The following PAK1 variants were observed in gnomAD, a reference collection of about 807,000 sequenced individuals.
PAK1 encodes the protein serine/threonine-protein kinase PAK 1.
PAK1 carries 29 observed loss-of-function variants against 67.4 expected under a neutral mutation model. The ratio of observed to expected loss-of-function variants is 0.43; its 90% CI spans 0.32 to 0.59. PAK1 has a LOEUF of 0.59. Ranked by LOEUF, PAK1 falls within the 20% of genes least tolerant of loss-of-function variation. The probability of loss-of-function intolerance (pLI) is 0.07; values close to 1 mark genes in which losing one functional copy is unlikely to be tolerated. For synonymous variants in PAK1, 223 were observed against 237.4 expected (o/e 0.94, Z 0.56); for missense variants, 337 against 670.7 (o/e 0.50, Z 5.50).
intron 2 of PAK1, among the ~76,000 whole-genome samples, chr11:77,387,021 G>A (rs1421766016): frequency 6.6e-6 from 1 of 150,552 alleles, no homozygotes; most frequent in South Asian, 2.1e-4. Flanking sequence ...TGATCCACCC[G>A]CCTTGGCCTC....
intron 1 of PAK1, among the ~76,000 whole-genome samples, chr11:77,409,012 C>T (rs1954084203): frequency 6.6e-6 from 1 of 152,126 alleles, no homozygotes; most frequent in Non-Finnish European, 1.5e-5. Flanking sequence ...TGCCTGTAAT[C>T]CCAACACTTT....
intron 1 of PAK1, among the ~76,000 whole-genome samples, chr11:77,467,982 C>T (rs996628683): frequency 1.2e-4 from 18 of 152,066 alleles, no homozygotes; most frequent in African/African-American, 4.3e-4. Context: ...GAAAGCTGGA[C>T]CTTAAAGATA....
intron 1 of PAK1, among the ~76,000 whole-genome samples, chr11:77,460,054 T>C (rs1957263382): frequency 6.6e-6 from 1 of 151,568 alleles, no homozygotes; most frequent in African/African-American, 2.4e-5. Context: ...AGTATTTGTT[T>C]ACTGAATGAG....
chr11:77,450,954 C>T (rs993192503), intron 1 of PAK1, among the ~76,000 whole-genome samples: 2 of 151,700 alleles, frequency 1.3e-5, no homozygotes, highest in Non-Finnish European at 2.9e-5. Context: ...ATCTGACTAA[C>T]AGCAAAGCTC....
chr11:77,423,879 C>T (rs1377740401), intron 1 of PAK1, among the ~76,000 whole-genome samples: 2 of 152,174 alleles, frequency 1.3e-5, no homozygotes, highest in Non-Finnish European at 2.9e-5. Flanking sequence ...AGGCTGTAGT[C>T]TGATGACCTC....
the PAK1 span, among the ~76,000 whole-genome samples, chr11:77,500,038 G>A: frequency 2.0e-5 from 3 of 152,162 alleles, no homozygotes; most frequent in Non-Finnish European, 4.4e-5. Flanking sequence ...GACCATAAGT[G>A]AGTGGAAGAA....
the PAK1 span, among the ~76,000 whole-genome samples, chr11:77,522,466 T>A: frequency 1.3e-5 from 2 of 152,172 alleles, no homozygotes; most frequent in African/African-American, 4.8e-5. Flanking sequence ...TCCAATTGCA[T>A]CCTGTTGTGA....
intron 12 of PAK1, among the ~76,000 whole-genome samples, chr11:77,336,949 C>T (rs1486691240): frequency 1.3e-5 from 2 of 151,750 alleles, no homozygotes; most frequent in African/African-American, 2.4e-5. Context: ...ATGTACTGGA[C>T]ATTCAATAAA....
chr11:77,391,469 G>A (rs1460981931), intron 2 of PAK1, among the ~76,000 whole-genome samples: 1 of 152,138 alleles, frequency 6.6e-6, no homozygotes, highest in Non-Finnish European at 1.5e-5. Context: ...TGGTGACCCA[G>A]CTCCATCTAA....
chr11:77,508,145 G>T, the PAK1 span, among the ~76,000 whole-genome samples: 3 of 152,176 alleles, frequency 2.0e-5, no homozygotes, highest in Admixed American at 1.3e-4. Flanking sequence ...TGAAAGCTAT[G>T]AGATTCATTT....
Position 77,346,262 on chromosome 11 carries a change from G to A in PAK1, c.886-2331C>T, listed in dbSNP as rs139231687. Reference sequence around the variant, plus strand: ...GCTGGGATTACAGGCATGAGCAACCGCGCCTGGCCAGGAGTCCTTTTCAAT... The same window carrying A: ...GCTGGGATTACAGGCATGAGCAACCACGCCTGGCCAGGAGTCCTTTTCAAT... On this transcript the variant is annotated intron_variant, in intron 9 of 14. Transcript: ENST00000356341. Among the ~76,000 whole-genome samples, 1,209 of 152,288 alleles carry A rather than the reference G, an allele frequency of 7.9e-3. 20 individuals are homozygous for A. Among genetic ancestry groups the A allele is most frequent in the African/African-American group, 0.028 (1,161 of 41,562 alleles).
intron 1 of PAK1, among the ~76,000 whole-genome samples, chr11:77,442,590 C>A (rs1956402510): frequency 6.6e-6 from 1 of 152,114 alleles, no homozygotes; most frequent in African/African-American, 2.4e-5. Context: ...CAGTCCTGGG[C>A]AACAGTTTGG....
At chr11:77,456,360 T>C (rs1292686452) in intron 1 of PAK1, among the ~76,000 whole-genome samples, 1 of 152,104 alleles carries the variant, frequency 6.6e-6, no homozygotes, top group East Asian at 1.9e-4. Context: ...AAAAAAAAGA[T>C]TCAAGTATCT....
intron 6 of PAK1, 115 bp downstream of exon 6, chr11:77,358,783 C>A (rs990011479): frequency 3.9e-6 from 4 of 1,028,618 alleles, no homozygotes; most frequent in African/African-American, 1.6e-5. Context: ...TTCACCAGCT[C>A]CAAAATCTAA....
Position 77,379,140 on chromosome 11 carries a change from CACT to C in PAK1, c.439+98_439+100del, listed in dbSNP as rs551818140. The C allele has an allele frequency of 1.5e-4, 148 of 1,006,368 alleles. 1 individual carries two copies. The African/African-American group carries it at 2.2e-3, about 15-fold the overall frequency. 62.3% of individuals were successfully genotyped at this position (1,006,368 alleles called of 1,614,324 possible). A position where few individuals can be genotyped will look rare whatever the true frequency, so the allele number is the denominator to read the frequency against. On this transcript the variant is annotated intron_variant, in intron 4 of 14. Coordinates refer to ENST00000356341, the MANE Select transcript of PAK1 (RefSeq NM_002576.5). The stretch of plus-strand genomic sequence containing the variant: ...GTTAAAGTGCCACTTCCACTCTTTC[CACT>C]ACTTTCTTCTCTCATCCCAGACTAA...
At position 77,325,279 on chromosome 11, in the gene PAK1, A is replaced by G. The variant is rs373282294; in HGVS notation, c.1552-1919T>C. 4.3e-6 allele frequency: 7 copies of G among 1,610,872 alleles called. No homozygotes were observed. In the African/African-American group the frequency reaches 8.0e-5, roughly 18 times the overall value. On this transcript the variant is annotated intron_variant, in intron 14 of 14. Transcript: ENST00000356341. Reference sequence around the variant, plus strand: ...CCTATTAAGAGCAGTGGCCAAGAGCATACACACTTGAGAGCCAAACAGGCT... The same window carrying G: ...CCTATTAAGAGCAGTGGCCAAGAGCGTACACACTTGAGAGCCAAACAGGCT...
chr11:77,515,647 G>T, the PAK1 span, among the ~76,000 whole-genome samples: 1 of 152,140 alleles, frequency 6.6e-6, no homozygotes. Context: ...TGCAGGTCTG[G>T]CCTGAAGGCA....
the PAK1 span, among the ~76,000 whole-genome samples, chr11:77,506,188 A>G: frequency 6.6e-6 from 1 of 152,234 alleles, no homozygotes; most frequent in Non-Finnish European, 1.5e-5. Context: ...TAAACATTAC[A>G]GCAACCCTGT....
At chr11:77,349,332 T>C (rs1193948029) in intron 8 of PAK1, 45 bp from the exon 9 acceptor site, 1 of 1,457,884 alleles carries the variant, frequency 6.9e-7, no homozygotes. Flanking sequence ...AACACAGTGT[T>C]CAATAAAGTG....
Sources: gnomAD v4.1 joint callset for allele counts (sites outside exome capture counted in the v4.1 genomes callset) on GRCh38, gnomAD v4.1.1 for gene constraint, MANE v1.5 for transcripts, NCBI Gene and HGNC (gene_info 2026-07-23, HGNC 2026-07-21) for gene names.